The following ZNF581 variants were observed in gnomAD, a reference collection of about 807,000 sequenced individuals.
ZNF581 encodes zinc finger protein 581.
A neutral mutation model predicts 1.2 loss-of-function variants in ZNF581; 1 was observed. The observed-to-expected ratio is 0.83, with a 90% CI of 0.30 to 3.95. ZNF581 has a LOEUF of 3.95. Among genes scored for constraint, ZNF581 ranks in the 30% most tolerant of loss-of-function variants. The probability of loss-of-function intolerance (pLI) is 0.18; values close to 1 mark genes in which losing one functional copy is unlikely to be tolerated. For missense variants in ZNF581, 273 were observed against 274.6 expected, an observed-to-expected ratio of 0.99 and a Z score of 0.04; for synonymous variants, 105 against 109.2, an observed-to-expected ratio of 0.96 and a Z score of 0.24.
upstream of ZNF581, among the ~76,000 whole-genome samples, chr19:55,639,863 C>T (rs543481854): frequency 5.9e-5 from 9 of 152,142 alleles, no homozygotes; most frequent in African/African-American, 1.9e-4. Flanking sequence ...GTGATCCGCC[C>T]GCCTTGGCCT....
At chr19:55,643,264 G>T, upstream of ZNF581, 2 of 541,054 alleles carry the variant, frequency 3.7e-6, no homozygotes, top group South Asian at 1.6e-4. Flanking sequence ...AGTCGGAACT[G>T]GGTTCCAGTC....
upstream of ZNF581, chr19:55,642,490 C>T (rs777085708): frequency 1.4e-6 from 2 of 1,425,686 alleles, no homozygotes; most frequent in Non-Finnish European, 1.8e-6. Flanking sequence ...CCCTCCGCCG[C>T]TCCCAGCTGC....
At chr19:55,639,693 T>G (rs1982323184), upstream of ZNF581, among the ~76,000 whole-genome samples, 1 of 152,186 alleles carries the variant, frequency 6.6e-6, no homozygotes, top group Non-Finnish European at 1.5e-5. Flanking sequence ...CTTGGCACAC[T>G]GCAACCTCCA....
chr19:55,639,185 TCA>T (rs1017869347), upstream of ZNF581, among the ~76,000 whole-genome samples: 7 of 151,974 alleles, frequency 4.6e-5, no homozygotes, highest in Admixed American at 3.9e-4. Flanking sequence ...TTTTGGGTTG[TCA>T]CAACTTGGGG....
upstream of ZNF581, among the ~76,000 whole-genome samples, chr19:55,637,220 C>G (rs1207255173): frequency 6.6e-6 from 1 of 152,030 alleles, no homozygotes; most frequent in African/African-American, 2.4e-5. Context: ...CTTAAAAAAT[C>G]ACTTGGAAAT....
chr19:55,641,956 A>C, upstream of ZNF581: 1 of 801,312 alleles, frequency 1.2e-6, no homozygotes. Context: ...ACGGAATATG[A>C]AGATGGGGAG....
At chr19:55,642,315 CCGAGG>C, upstream of ZNF581, 3 of 1,260,610 alleles carry the variant, frequency 2.4e-6, no homozygotes, top group Non-Finnish European at 3.0e-6. Flanking sequence ...GAGGCCCTCT[CCGAGG>C]CAGCTTGATG....
chr19:55,642,549 C>A, upstream of ZNF581: 1 of 1,454,818 alleles, frequency 6.9e-7, no homozygotes, highest in Non-Finnish European at 9.0e-7. Context: ...CCTCGGTCCT[C>A]CTCTCCGGAG....
chr19:55,640,452 A>G (rs747101583), upstream of ZNF581: 139 of 985,432 alleles, frequency 1.4e-4, no homozygotes, highest in Non-Finnish European at 3.7e-5. Flanking sequence ...TTCTGGAAAT[A>G]TCACACCTCC....
chr19:55,644,583 G>GC lies in ZNF581; in HGVS notation c.14dup (p.Ser6IlefsTer13). ...AGCCAGCCCTCCGGATGCTGGTGCT[G>GC]CCATCCCCCTGCCCTCAGCCTCTGG... On this transcript the variant is annotated frameshift_variant, in exon 2 of 2. Transcript: ENST00000270451. LOFTEE classifies it low-confidence loss of function (END_TRUNC). The surrounding 1 kb of genome is among the most constrained non-coding windows in gnomAD (Gnocchi z 4.3). 6.3e-7 allele frequency: 1 copy of GC among 1,595,232 alleles called. No individual in the cohort carries two copies. Among genetic ancestry groups the GC allele is most frequent in the Non-Finnish European group, 8.5e-7 (1 of 1,171,156 alleles).
chr19:55,637,506 A>C (rs924467310), upstream of ZNF581, among the ~76,000 whole-genome samples: 2 of 152,062 alleles, frequency 1.3e-5, no homozygotes, highest in Non-Finnish European at 2.9e-5. Context: ...CACTGTACTC[A>C]AGCCTGGGCG....
upstream of ZNF581, among the ~76,000 whole-genome samples, chr19:55,638,742 A>G (rs949718893): frequency 1.3e-5 from 2 of 151,964 alleles, no homozygotes; most frequent in Non-Finnish European, 2.9e-5. Flanking sequence ...TAATCCCAGC[A>G]CTTTGGGAGG....
upstream of ZNF581, among the ~76,000 whole-genome samples, chr19:55,637,065 C>G (rs1445076432): frequency 2.0e-5 from 3 of 152,182 alleles, no homozygotes; most frequent in Non-Finnish European, 4.4e-5. Context: ...GCAATCCTGT[C>G]TCAGCTTCCT....
chr19:55,639,039 T>C (rs1224174391), upstream of ZNF581, among the ~76,000 whole-genome samples: 1 of 149,436 alleles, frequency 6.7e-6, no homozygotes, highest in African/African-American at 2.5e-5. Context: ...AAAAAAAGAT[T>C]TGGAGGGGAC....
Position 55,644,618 on chromosome 19 carries a change from C to T in ZNF581, c.47C>T (p.Ser16Phe), listed in dbSNP as rs1982739388. ...TGCCCTCAGCCTCTGGCATTTTCCT[C>T]CGTTGAGACCATGGAGGGCCCTCCC... ...SPCPQPLAFS[S>F]VETMEGPPRR... Residue 16 changes from serine (S) to phenylalanine (F), a missense_variant, in exon 2 of 2, where the codon TCC (serine) becomes TTC (phenylalanine). Coordinates refer to ENST00000270451, the MANE Select transcript of ZNF581 (RefSeq NM_016535.4). The surrounding 1 kb of genome is among the most constrained non-coding windows in gnomAD (Gnocchi z 4.3). 1.9e-6 allele frequency: 3 copies of T among 1,608,524 alleles called. No homozygotes were observed. Among genetic ancestry groups the T allele is most frequent in the African/African-American group, 1.3e-5 (1 of 74,814 alleles).
upstream of ZNF581, among the ~76,000 whole-genome samples, chr19:55,639,447 C>G (rs1982310307): frequency 6.6e-6 from 1 of 152,082 alleles, no homozygotes; most frequent in South Asian, 2.1e-4. Context: ...GACTCTGTCT[C>G]AAAAAATATA....
Position 55,644,165 on chromosome 19 carries a change from G to A in ZNF581, c.-19-388G>A, listed in dbSNP as rs1054758689. Among the ~76,000 whole-genome samples, 1 of 151,758 alleles carries A rather than the reference G, an allele frequency of 6.6e-6. No homozygotes were observed. The highest frequency in any genetic ancestry group is 2.4e-5 in the African/African-American group (1 of 41,374). ...GGGTCAGGAAAGGCTTGAGTATGTA[G>A]CATAGGCCAACACGCAGACCCTGGA... On this transcript the variant is annotated intron_variant, in intron 1 of 1. Coordinates refer to ENST00000270451, the MANE Select transcript of ZNF581 (RefSeq NM_016535.4). The surrounding 1 kb of genome is among the most constrained non-coding windows in gnomAD (Gnocchi z 4.3).
upstream of ZNF581, chr19:55,640,631 G>T: frequency 1.0e-6 from 1 of 985,456 alleles, no homozygotes; most frequent in Non-Finnish European, 1.2e-6. Context: ...GGAGCCAATG[G>T]CTGGTCTCTG....
upstream of ZNF581, chr19:55,641,227 C>T: frequency 1.0e-6 from 1 of 973,840 alleles, no homozygotes; most frequent in African/African-American, 1.8e-5. Context: ...CCTGGGACGA[C>T]GCCGGGGCCA....
Sources: allele counts gnomAD v4.1 joint callset (sites outside exome capture counted in the v4.1 genomes callset), GRCh38; gene constraint gnomAD v4.1.1; non-coding constraint Gnocchi (gnomAD v3.1); transcripts MANE v1.5; gene names NCBI Gene and HGNC (gene_info 2026-07-23, HGNC 2026-07-21).